The following LRRC4C variants were observed in gnomAD, a reference collection of about 807,000 sequenced individuals.
LRRC4C encodes leucine rich repeat containing 4C.
In LRRC4C, 5 loss-of-function variants were observed where a neutral mutation model predicts 33.6. The observed-to-expected ratio is 0.15, with a 90% CI of 0.08 to 0.31. LRRC4C has a LOEUF of 0.31. LRRC4C is among the 10% of genes least tolerant of loss of function. The pLI is 1.00. For missense variants in LRRC4C, 560 were observed against 796.7 expected (o/e 0.70, Z 3.58); for synonymous variants, 329 against 302.0 (o/e 1.09, Z -0.93).
intron 3 of LRRC4C, among the ~76,000 whole-genome samples, chr11:40,506,602 T>C (rs980634124): frequency 3.9e-5 from 6 of 152,036 alleles, no homozygotes; most frequent in African/African-American, 1.4e-4. Context: ...CAAGGTTTAA[T>C]CATGAAAATC....
chr11:40,711,237 C>T (rs1946449541), intron 2 of LRRC4C, among the ~76,000 whole-genome samples: 1 of 152,170 alleles, frequency 6.6e-6, no homozygotes, highest in African/African-American at 2.4e-5. Context: ...GAACCAGGTA[C>T]CTCAGTTGGA....
At chr11:41,259,280 A>T (rs1318747956) in intron 1 of LRRC4C, among the ~76,000 whole-genome samples, 2 of 151,884 alleles carry the variant, frequency 1.3e-5, no homozygotes, top group Non-Finnish European at 2.9e-5. Context: ...ATTTTGTGTT[A>T]TTTTTCTCAT....
chr11:40,382,123 AT>A (rs77934711), intron 3 of LRRC4C, among the ~76,000 whole-genome samples: 159 of 99,920 alleles, frequency 1.6e-3, no homozygotes, highest in Non-Finnish European at 2.0e-3. Context: ...TGCCCGGCTA[AT>A]TTTTTTTTTT....
intron 2 of LRRC4C, among the ~76,000 whole-genome samples, chr11:40,871,177 G>A (rs1954623127): frequency 6.6e-6 from 1 of 152,068 alleles, no homozygotes; most frequent in Non-Finnish European, 1.5e-5. Context: ...GAAAATGCGT[G>A]CCAGAAACTT....
At chr11:40,652,618 A>G (rs1942873720) in intron 2 of LRRC4C, among the ~76,000 whole-genome samples, 1 of 152,246 alleles carries the variant, frequency 6.6e-6, no homozygotes, top group African/African-American at 2.4e-5. Flanking sequence ...CATGGGATAC[A>G]GAGTAGCTCC....
At chr11:40,334,342 A>G (rs1946500363) in intron 3 of LRRC4C, among the ~76,000 whole-genome samples, 1 of 152,098 alleles carries the variant, frequency 6.6e-6, no homozygotes, top group Non-Finnish European at 1.5e-5. Context: ...AAAAAAAAGT[A>G]AGCCAATGGG....
intron 5 of LRRC4C, among the ~76,000 whole-genome samples, chr11:40,212,180 A>C (rs1293879977): frequency 1.3e-5 from 2 of 152,162 alleles, no homozygotes; most frequent in Non-Finnish European, 2.9e-5. Context: ...CTCAGTAGTA[A>C]TTTTGATCCA....
intron 1 of LRRC4C, among the ~76,000 whole-genome samples, chr11:40,950,909 CTT>C (rs1281296397): frequency 6.6e-6 from 1 of 150,702 alleles, no homozygotes; most frequent in East Asian, 2.0e-4. Context: ...AAATATGAAT[CTT>C]GAGCATCTTT....
chr11:40,783,197 A>G (rs1166478578), intron 2 of LRRC4C, among the ~76,000 whole-genome samples: 1 of 152,184 alleles, frequency 6.6e-6, no homozygotes, highest in Non-Finnish European at 1.5e-5. Context: ...AAATTTGTTA[A>G]TTGTATGTCT....
At position 40,163,224 on chromosome 11, in the gene LRRC4C, C is replaced by T. The variant is rs529242605; in HGVS notation, c.-95-22371G>A. Among the ~76,000 whole-genome samples the T allele has an allele frequency of 2.0e-5, 3 of 152,310 alleles. No homozygotes were observed. In the South Asian group the frequency reaches 6.2e-4, roughly 32 times the overall value. ...GAACATTAATATCCATTAAAAGTTT[C>T]TGATAAATTTTCAATCAAATTTTTA... is the stretch of plus-strand genomic sequence containing the variant. On this transcript the variant is annotated intron_variant, in intron 5 of 6. Coordinates refer to ENST00000528697, the MANE Select transcript of LRRC4C (RefSeq NM_001258419.2).
intron 1 of LRRC4C, among the ~76,000 whole-genome samples, chr11:41,034,607 GTA>G (rs59350888): frequency 0.081 from 7,876 of 96,798 alleles, 349 homozygotes; most frequent in African/African-American, 0.16. Flanking sequence ...ATATGGTGAC[GTA>G]TATATATATA....
At chr11:40,629,754 C>A (rs1963289857) in intron 3 of LRRC4C, among the ~76,000 whole-genome samples, 1 of 152,152 alleles carries the variant, frequency 6.6e-6, no homozygotes, top group Non-Finnish European at 1.5e-5. Flanking sequence ...ATATAATCCA[C>A]TGCTCACAGC....
chr11:40,325,801 G>T (rs533760730), intron 3 of LRRC4C, among the ~76,000 whole-genome samples: 24 of 152,166 alleles, frequency 1.6e-4, no homozygotes, highest in Admixed American at 3.9e-4. Context: ...AATGATTGGG[G>T]TGATAAAATA....
intron 1 of LRRC4C, among the ~76,000 whole-genome samples, chr11:41,298,943 C>T (rs1950214706): frequency 6.6e-6 from 1 of 152,132 alleles, no homozygotes; most frequent in African/African-American, 2.4e-5. Flanking sequence ...GCTCCCAGTA[C>T]CATCCATGTT....
intron 3 of LRRC4C, among the ~76,000 whole-genome samples, chr11:40,638,480 T>C (rs1316221845): frequency 6.6e-6 from 1 of 152,222 alleles, no homozygotes; most frequent in Non-Finnish European, 1.5e-5. Context: ...GCCTCATCTA[T>C]AAAATAGAAA....
chr11:41,376,374 A>G (rs1952937213), intron 1 of LRRC4C, among the ~76,000 whole-genome samples: 1 of 152,170 alleles, frequency 6.6e-6, no homozygotes, highest in Non-Finnish European at 1.5e-5. Context: ...AATGTCTACA[A>G]ATAAGGCTGA....
At chr11:40,531,666 C>T (rs1055435667) in intron 3 of LRRC4C, among the ~76,000 whole-genome samples, 4 of 151,870 alleles carry the variant, frequency 2.6e-5, no homozygotes, top group Non-Finnish European at 4.4e-5. Context: ...ATCAGTAAGC[C>T]AACTAAATCA....
intron 1 of LRRC4C, among the ~76,000 whole-genome samples, chr11:40,984,892 A>ATTTTTTT (rs1352712808): frequency 8.1e-5 from 2 of 24,650 alleles, no homozygotes; most frequent in Non-Finnish European, 1.3e-4. Context: ...TCTCACTGAC[A>ATTTTTTT]CTTTTTTTTT....
At chr11:41,324,114 C>T (rs1951036584) in intron 1 of LRRC4C, among the ~76,000 whole-genome samples, 2 of 152,096 alleles carry the variant, frequency 1.3e-5, no homozygotes, top group Non-Finnish European at 2.9e-5. Flanking sequence ...GGAAAGATGT[C>T]TTCATGCTAA....
Sources: gnomAD v4.1 joint callset for allele counts (sites outside exome capture counted in the v4.1 genomes callset) on GRCh38, gnomAD v4.1.1 for gene constraint, MANE v1.5 for transcripts, NCBI Gene and HGNC (gene_info 2026-07-23, HGNC 2026-07-21) for gene names.